CTNNBL1: variants seen among roughly 807,000 people sequenced by gnomAD.
CTNNBL1 encodes the protein catenin beta like 1.
CTNNBL1 carries 31 observed loss-of-function variants against 72.7 expected under a neutral mutation model. The ratio of observed to expected loss-of-function variants is 0.43; its 90% CI spans 0.32 to 0.58. The LOEUF (loss-of-function observed/expected upper bound fraction) is 0.58, where lower values mean the gene tolerates loss of function less well. Among genes scored for constraint, CTNNBL1 ranks in the 20% least tolerant of loss-of-function variants. The pLI is 0.08. For synonymous variants in CTNNBL1, 240 were observed against 267.3 expected, an observed-to-expected ratio of 0.90 and a Z score of 1.00; for missense variants, 534 against 725.1, an observed-to-expected ratio of 0.74 and a Z score of 3.03.
At chr20:37,850,271 T>C (rs1188364086) in intron 13 of CTNNBL1, among the ~76,000 whole-genome samples, 1 of 152,158 alleles carries the variant, frequency 6.6e-6, no homozygotes, top group African/African-American at 2.4e-5. Flanking sequence ...ATCACACTTG[T>C]GATGGCAGCA....
intron 11 of CTNNBL1, among the ~76,000 whole-genome samples, chr20:37,827,455 G>A (rs1255472664): frequency 6.6e-6 from 1 of 152,186 alleles, no homozygotes; most frequent in Non-Finnish European, 1.5e-5. Flanking sequence ...AGACAAAGAT[G>A]TTGAGACCCA....
chr20:37,837,135 A>G (rs891223309), intron 11 of CTNNBL1, among the ~76,000 whole-genome samples: 2 of 152,124 alleles, frequency 1.3e-5, no homozygotes, highest in African/African-American at 4.8e-5. Flanking sequence ...TCTCGTTGGC[A>G]TACACAAAGG....
At chr20:37,871,698 G>A (rs753825737) in intron 15 of CTNNBL1, among the ~76,000 whole-genome samples, 6 of 152,112 alleles carry the variant, frequency 3.9e-5, no homozygotes, top group South Asian at 2.1e-4. Context: ...ACATGAGGGC[G>A]GAAGTGAAGG....
At chr20:37,844,806 G>A (rs574448235) in intron 13 of CTNNBL1, among the ~76,000 whole-genome samples, 2 of 152,122 alleles carry the variant, frequency 1.3e-5, no homozygotes, top group African/African-American at 4.8e-5. Flanking sequence ...AAATTAGCTG[G>A]GCATGATGGC....
intron 13 of CTNNBL1, among the ~76,000 whole-genome samples, chr20:37,847,094 A>G (rs1239958508): frequency 1.3e-5 from 2 of 152,110 alleles, no homozygotes; most frequent in East Asian, 1.9e-4. Context: ...ATTCCTTAAC[A>G]CTAATTTTTA....
chr20:37,705,445 T>C (rs2072877126), intron 1 of CTNNBL1, among the ~76,000 whole-genome samples: 1 of 152,210 alleles, frequency 6.6e-6, no homozygotes. Context: ...ACAACACGCA[T>C]GCTACAGCAA....
At chr20:37,857,236 C>G (rs1015530322) in intron 13 of CTNNBL1, among the ~76,000 whole-genome samples, 1 of 152,214 alleles carries the variant, frequency 6.6e-6, no homozygotes, top group Admixed American at 6.5e-5. Context: ...GTCCAGTGCT[C>G]CATGACTACC....
At chr20:37,801,264 T>G (rs1175853141) in intron 10 of CTNNBL1, among the ~76,000 whole-genome samples, 1 of 152,236 alleles carries the variant, frequency 6.6e-6, no homozygotes, top group African/African-American at 2.4e-5. Context: ...TTAGCTTTTT[T>G]TTTTGGAAGC....
intron 11 of CTNNBL1, among the ~76,000 whole-genome samples, chr20:37,828,238 A>T (rs540234770): frequency 6.6e-6 from 1 of 152,166 alleles, no homozygotes; most frequent in Non-Finnish European, 1.5e-5. Flanking sequence ...CTGTAACAGG[A>T]TAGTTTCAGT....
intron 13 of CTNNBL1, among the ~76,000 whole-genome samples, chr20:37,852,210 T>C (rs2072402705): frequency 6.6e-6 from 1 of 152,216 alleles, no homozygotes; most frequent in Non-Finnish European, 1.5e-5. Context: ...CCAACGTACA[T>C]ATAGATTTTC....
rs770154883 is a variant in CTNNBL1, at chr20:37,694,135, G to C, written c.13G>C (p.Glu5Gln). Residue 5 changes from glutamate to glutamine, a missense_variant, in exon 1 of 16, where the codon GAA (glutamate) becomes CAA (glutamine). By Grantham distance (29) the Glu-to-Gln change is conservative. Transcript: ENST00000361383. ...TGGGCCGGGTACCATGGACGTGGGC[G>C]AACTTCTGAGCTACCAGGTATGAGG... Reference protein sequence around the residue: MDVGELLSYQPNRGT... With the variant: MDVGQLLSYQPNRGT... The C allele has an allele frequency of 1.6e-5, 25 of 1,602,484 alleles. 1 individual carries two copies. The South Asian group carries it at 2.8e-4, about 18-fold the overall frequency.
At chr20:37,818,254 A>G (rs1405234615) in intron 11 of CTNNBL1, among the ~76,000 whole-genome samples, 1 of 152,194 alleles carries the variant, frequency 6.6e-6, no homozygotes, top group African/African-American at 2.4e-5. Context: ...CCCTAGAGGC[A>G]CTTACCTTTC....
chr20:37,744,087 T>C (rs1255678565), intron 3 of CTNNBL1, among the ~76,000 whole-genome samples: 1 of 152,198 alleles, frequency 6.6e-6, no homozygotes, highest in Non-Finnish European at 1.5e-5. Flanking sequence ...TTCCTTAATA[T>C]ACGGTGTTTA....
At chr20:37,718,384 CG>C in intron 1 of CTNNBL1, among the ~76,000 whole-genome samples, 1 of 140,076 alleles carries the variant, frequency 7.1e-6, no homozygotes, top group Non-Finnish European at 1.5e-5. Flanking sequence ...CCCTCACCTC[CG>C]GGACGGGGCG....
At chr20:37,864,714 G>A (rs1192730158) in intron 15 of CTNNBL1, among the ~76,000 whole-genome samples, 2 of 152,238 alleles carry the variant, frequency 1.3e-5, no homozygotes, top group Admixed American at 6.5e-5. Context: ...TGTGCTCCAT[G>A]AGAACAGCAG....
At chr20:37,794,990 T>G (rs919500477) in intron 10 of CTNNBL1, among the ~76,000 whole-genome samples, 9 of 152,160 alleles carry the variant, frequency 5.9e-5, no homozygotes, top group Non-Finnish European at 1.2e-4. Context: ...TTGTCCCTTT[T>G]TTCTGGCTGT....
At chr20:37,807,312 A>T (rs562150883) in intron 11 of CTNNBL1, among the ~76,000 whole-genome samples, 54 of 152,276 alleles carry the variant, frequency 3.5e-4, no homozygotes, top group Admixed American at 1.0e-3. Flanking sequence ...GAGACCTTAA[A>T]CTGTCTCCAC....
intron 1 of CTNNBL1, among the ~76,000 whole-genome samples, chr20:37,721,086 C>T (rs1021167036): frequency 2.6e-5 from 4 of 152,128 alleles, no homozygotes; most frequent in Non-Finnish European, 2.9e-5. Flanking sequence ...ACTGTTTGCA[C>T]GTACTCTATT....
At chr20:37,831,240 T>C (rs2072206692) in intron 11 of CTNNBL1, among the ~76,000 whole-genome samples, 1 of 152,238 alleles carries the variant, frequency 6.6e-6, no homozygotes, top group Non-Finnish European at 1.5e-5. Flanking sequence ...CCACTCCTAC[T>C]CAGGCCCTCC....
Sources: gnomAD v4.1 joint callset for allele counts (sites outside exome capture counted in the v4.1 genomes callset) on GRCh38, gnomAD v4.1.1 for gene constraint, MANE v1.5 for transcripts, NCBI Gene and HGNC (gene_info 2026-07-23, HGNC 2026-07-21) for gene names.